The following DISP1 variants were observed in gnomAD, a reference collection of about 807,000 sequenced individuals.
DISP1 encodes dispatched RND transporter family member 1, also known as protein dispatched homolog 1.
A neutral mutation model predicts 37.3 loss-of-function variants in DISP1; 30 were observed. The ratio of observed to expected loss-of-function variants is 0.80; its 90% CI spans 0.60 to 1.09. The LOEUF (loss-of-function observed/expected upper bound fraction) is 1.09, where lower values mean the gene tolerates loss of function less well. Among genes scored for constraint, DISP1 ranks in the 50% least tolerant of loss-of-function variants. The pLI is 0.00. For synonymous variants in DISP1, 634 were observed against 690.2 expected (o/e 0.92, Z 1.28); for missense variants, 1,598 against 1,879.5 (o/e 0.85, Z 2.77).
intron 3 of DISP1, among the ~76,000 whole-genome samples, chr1:222,954,703 G>A (rs1384700263): frequency 2.6e-5 from 4 of 152,056 alleles, no homozygotes; most frequent in Admixed American, 1.3e-4. Context: ...TAGGAGAGGG[G>A]AGGGGCTTTT....
intron 2 of DISP1, among the ~76,000 whole-genome samples, chr1:222,936,061 T>C (rs1572548365): frequency 1.3e-5 from 2 of 152,224 alleles, no homozygotes; most frequent in East Asian, 3.8e-4. Context: ...TTTTTATGTT[T>C]AGATGTGTTT....
intron 1 of DISP1, among the ~76,000 whole-genome samples, chr1:222,820,706 T>C (rs1043555606): frequency 6.6e-6 from 1 of 152,224 alleles, no homozygotes; most frequent in Non-Finnish European, 1.5e-5. Flanking sequence ...GTTACTGAAC[T>C]TTATGCTTTA....
intron 3 of DISP1, among the ~76,000 whole-genome samples, chr1:222,953,435 A>G (rs1368168095): frequency 6.6e-6 from 1 of 152,204 alleles, no homozygotes; most frequent in Non-Finnish European, 1.5e-5. Context: ...TTTATTTATA[A>G]ATGACACACC....
intron 1 of DISP1, chr1:222,835,033 T>C (rs185906467): frequency 1.3e-5 from 2 of 152,268 alleles, no homozygotes; most frequent in East Asian, 1.9e-4. Context: ...ACTATTGATA[T>C]AGTATGAACA....
intron 1 of DISP1, among the ~76,000 whole-genome samples, chr1:222,888,432 T>C (rs187991877): frequency 1.8e-4 from 27 of 152,308 alleles, no homozygotes; most frequent in African/African-American, 5.5e-4. Context: ...GAAAAGTTTT[T>C]TTAAAGTACA....
chr1:222,874,420 G>C (rs1190299173), intron 1 of DISP1, among the ~76,000 whole-genome samples: 2 of 152,092 alleles, frequency 1.3e-5, no homozygotes, highest in Non-Finnish European at 2.9e-5. Flanking sequence ...TTTTGACATA[G>C]TCCCATATTT....
At chr1:222,891,723 T>C (rs1181437887) in intron 1 of DISP1, among the ~76,000 whole-genome samples, 1 of 145,122 alleles carries the variant, frequency 6.9e-6, no homozygotes, top group African/African-American at 2.4e-5. Context: ...GGATGAGACC[T>C]GGAGAGAGAT....
intron 1 of DISP1, among the ~76,000 whole-genome samples, chr1:222,816,782 C>G (rs764674713): frequency 1.2e-4 from 19 of 152,112 alleles, no homozygotes; most frequent in African/African-American, 4.6e-4. Context: ...AATAAGTTTT[C>G]AAATTACAAA....
intron 4 of DISP1, chr1:222,989,619 A>G: frequency 1.1e-6 from 1 of 941,076 alleles, no homozygotes; most frequent in Non-Finnish European, 1.3e-6. Flanking sequence ...GGAAGAGACT[A>G]AAACCAGATT....
intron 1 of DISP1, among the ~76,000 whole-genome samples, chr1:222,901,517 GT>G (rs1007258361): frequency 3.3e-5 from 5 of 151,064 alleles, no homozygotes; most frequent in African/African-American, 9.7e-5. Flanking sequence ...TTGTTTGTTT[GT>G]TTTTTTGTTT....
chr1:222,842,004 C>T (rs1667638180), intron 1 of DISP1, among the ~76,000 whole-genome samples: 1 of 152,010 alleles, frequency 6.6e-6, no homozygotes, highest in Admixed American at 6.5e-5. Context: ...GAATTTTGAA[C>T]CTAGTAATGC....
intron 1 of DISP1, among the ~76,000 whole-genome samples, chr1:222,865,005 T>C (rs972802881): frequency 6.7e-6 from 1 of 149,728 alleles, no homozygotes; most frequent in African/African-American, 2.6e-5. Flanking sequence ...TGATGCTAAC[T>C]CTTGAGATAG....
At chr1:222,953,308 TTTG>T (rs1675362848) in intron 3 of DISP1, among the ~76,000 whole-genome samples, 2 of 152,284 alleles carry the variant, frequency 1.3e-5, no homozygotes, top group South Asian at 4.1e-4. Flanking sequence ...TCTTTTAAGT[TTTG>T]TTGTTGTTTT....
intron 8 of DISP1, among the ~76,000 whole-genome samples, chr1:222,995,494 A>G (rs1678992361): frequency 6.6e-6 from 1 of 152,156 alleles, no homozygotes; most frequent in African/African-American, 2.4e-5. Flanking sequence ...TATCTATGTA[A>G]ATGACCACAG....
chr1:222,855,283 C>T (rs1668486923), intron 1 of DISP1, among the ~76,000 whole-genome samples: 1 of 152,158 alleles, frequency 6.6e-6, no homozygotes, highest in Non-Finnish European at 1.5e-5. Context: ...GAAAGGAAAG[C>T]AGGGACAAAT....
chr1:222,882,020 G>A (rs1670311968), intron 1 of DISP1, among the ~76,000 whole-genome samples: 1 of 152,162 alleles, frequency 6.6e-6, no homozygotes, highest in Non-Finnish European at 1.5e-5. Context: ...TTGAGGTGGA[G>A]AGGGGTATGG....
intron 3 of DISP1, among the ~76,000 whole-genome samples, chr1:222,956,968 G>A (rs1162702076): frequency 6.6e-6 from 1 of 152,034 alleles, no homozygotes; most frequent in Non-Finnish European, 1.5e-5. Context: ...ACTTTAAAAT[G>A]TAACACATGG....
At chr1:222,902,901 C>T (rs1340595544) in intron 1 of DISP1, among the ~76,000 whole-genome samples, 1 of 151,496 alleles carries the variant, frequency 6.6e-6, no homozygotes, top group Admixed American at 6.6e-5. Flanking sequence ...GGCGATTCCT[C>T]AGGGATCTAG....
At chr1:222,857,554 T>G (rs1484544454) in intron 1 of DISP1, among the ~76,000 whole-genome samples, 1 of 152,146 alleles carries the variant, frequency 6.6e-6, no homozygotes, top group Non-Finnish European at 1.5e-5. Flanking sequence ...CCCAAAAGCT[T>G]CTTAAGCTGA....
Sources: allele counts gnomAD v4.1 joint callset (sites outside exome capture counted in the v4.1 genomes callset), GRCh38; gene constraint gnomAD v4.1.1; transcripts MANE v1.5; gene names NCBI Gene and HGNC (gene_info 2026-07-23, HGNC 2026-07-21).